The following CTNND2 variants were observed in gnomAD, a reference collection of about 807,000 sequenced individuals.
CTNND2 encodes catenin delta 2.
Under a neutral mutation model 144.4 loss-of-function variants are expected in CTNND2, and 22 were observed. That is an observed-to-expected ratio of 0.15 (90% CI 0.11 to 0.22). The LOEUF is 0.22. CTNND2 is among the 10% of genes least tolerant of loss of function. The pLI, the probability that CTNND2 is intolerant of heterozygous loss-of-function variation, is 1.00. For missense variants in CTNND2, 1,353 were observed against 1,618.8 expected (o/e 0.84, Z 2.82); for synonymous variants, 751 against 695.6 (o/e 1.08, Z -1.25).
intron 1 of CTNND2, among the ~76,000 whole-genome samples, chr5:11,812,461 C>T (rs1792388502): frequency 6.6e-6 from 1 of 152,150 alleles, no homozygotes. Flanking sequence ...TCCCCAGTAA[C>T]AGACACTGTG....
At chr5:11,348,601 G>C (rs1047729691) in intron 8 of CTNND2, among the ~76,000 whole-genome samples, 1 of 151,984 alleles carries the variant, frequency 6.6e-6, no homozygotes. Context: ...TGCTATTAAT[G>C]TATTCAATAC....
At position 11,058,019 on chromosome 5, in the gene CTNND2, A is replaced by G. The variant is rs577704157; in HGVS notation, c.2788+24677T>C. 2.6e-5 allele frequency among the ~76,000 whole-genome samples: 4 copies of G among 152,334 alleles called. No individual in the cohort carries two copies. In the South Asian group the frequency reaches 8.3e-4, roughly 32 times the overall value. ...AATTTCTAAGCAGCAAAGCATTCAA[A>G]AGGTGACTTGGGTACTGTTAAAAGC... On this transcript the variant is annotated intron_variant, in intron 16 of 21. Transcript: ENST00000304623.
chr5:11,009,597 C>T (rs1478809470), intron 18 of CTNND2, among the ~76,000 whole-genome samples: 3 of 152,212 alleles, frequency 2.0e-5, no homozygotes, highest in African/African-American at 7.2e-5. Flanking sequence ...AGTTTACTAG[C>T]TCCTGATCTG....
intron 10 of CTNND2, among the ~76,000 whole-genome samples, chr5:11,226,265 C>T (rs929372154): frequency 3.3e-5 from 5 of 152,152 alleles, no homozygotes; most frequent in African/African-American, 7.2e-5. Context: ...AGCTCTGCTC[C>T]GAGGCTACTT....
chr5:11,566,963 T>C (rs1220274397), intron 2 of CTNND2, among the ~76,000 whole-genome samples: 2 of 152,204 alleles, frequency 1.3e-5, no homozygotes, highest in Non-Finnish European at 1.5e-5. Context: ...GTTGTTATTA[T>C]GGTGCAGTTC....
At chr5:11,181,374 G>C (rs1241936779) in intron 11 of CTNND2, among the ~76,000 whole-genome samples, 1 of 152,130 alleles carries the variant, frequency 6.6e-6, no homozygotes, top group African/African-American at 2.4e-5. Flanking sequence ...TCTCCTGGGG[G>C]CTCAGGGTAG....
chr5:11,665,848 C>A (rs2126584113), intron 2 of CTNND2, among the ~76,000 whole-genome samples: 1 of 152,210 alleles, frequency 6.6e-6, no homozygotes, highest in South Asian at 2.1e-4. Context: ...CAAGGGTTAT[C>A]CTCCTGTTTC....
At chr5:11,443,251 T>TGG (rs1764460878) in intron 3 of CTNND2, among the ~76,000 whole-genome samples, 1 of 103,686 alleles carries the variant, frequency 9.6e-6, no homozygotes, top group African/African-American at 5.2e-5. Context: ...TGTGTGTGTG[T>TGG]GCTGTGTGTG....
At chr5:11,734,430 A>G (rs1163339954) in intron 1 of CTNND2, among the ~76,000 whole-genome samples, 5 of 152,192 alleles carry the variant, frequency 3.3e-5, no homozygotes, top group African/African-American at 9.6e-5. Context: ...ATGACAGTGA[A>G]TAAGTCTCAA....
chr5:11,652,594 T>G (rs1782700467), intron 2 of CTNND2, among the ~76,000 whole-genome samples: 1 of 152,236 alleles, frequency 6.6e-6, no homozygotes. Context: ...TTTTCCTTTT[T>G]AAATTTTATT....
chr5:11,353,207 C>A (rs1453743119), intron 8 of CTNND2, among the ~76,000 whole-genome samples: 2 of 151,998 alleles, frequency 1.3e-5, no homozygotes, highest in East Asian at 3.9e-4. Flanking sequence ...TCATTTAATG[C>A]TCACAACAGC....
At chr5:11,323,150 T>A (rs1393260096) in intron 9 of CTNND2, among the ~76,000 whole-genome samples, 1 of 149,536 alleles carries the variant, frequency 6.7e-6, no homozygotes, top group African/African-American at 2.4e-5. Flanking sequence ...GTGATTCTCC[T>A]ATCTCAGCTT....
intron 1 of CTNND2, among the ~76,000 whole-genome samples, chr5:11,749,940 G>C (rs1211723121): frequency 6.6e-6 from 1 of 151,818 alleles, no homozygotes; most frequent in African/African-American, 2.4e-5. Flanking sequence ...TAATTATATA[G>C]CTATGATTAG....
intron 9 of CTNND2, among the ~76,000 whole-genome samples, chr5:11,258,205 A>T (rs1744476465): frequency 6.6e-6 from 1 of 152,272 alleles, no homozygotes; most frequent in African/African-American, 2.4e-5. Flanking sequence ...CAGGGAACCA[A>T]CATATGCTGC....
intron 16 of CTNND2, among the ~76,000 whole-genome samples, chr5:11,069,380 A>C (rs1203328605): frequency 2.6e-5 from 4 of 152,178 alleles, no homozygotes; most frequent in Non-Finnish European, 4.4e-5. Context: ...AATATGGGTT[A>C]GGAGTAGATA....
At chr5:11,691,051 A>T (rs1174564858) in intron 2 of CTNND2, among the ~76,000 whole-genome samples, 1 of 152,098 alleles carries the variant, frequency 6.6e-6, no homozygotes, top group Non-Finnish European at 1.5e-5. Flanking sequence ...GATAAGAACA[A>T]AAAAATGTGA....
At chr5:11,332,351 T>C (rs996304) in intron 9 of CTNND2, among the ~76,000 whole-genome samples, 9,655 of 151,602 alleles carry the variant, frequency 0.064, 472 homozygotes, top group African/African-American at 0.14. Flanking sequence ...AGGATCAGGA[T>C]CCATGAGGCC....
At chr5:11,807,066 C>T (rs1174635772) in intron 1 of CTNND2, among the ~76,000 whole-genome samples, 1 of 152,060 alleles carries the variant, frequency 6.6e-6, no homozygotes, top group Non-Finnish European at 1.5e-5. Context: ...GAGATCAATG[C>T]TTATATCACC....
At chr5:11,577,421 G>C (rs1267310339) in intron 2 of CTNND2, among the ~76,000 whole-genome samples, 1 of 152,192 alleles carries the variant, frequency 6.6e-6, no homozygotes, top group Non-Finnish European at 1.5e-5. Flanking sequence ...AGATGCAAAT[G>C]AATTTCAAAG....
Sources: allele counts gnomAD v4.1 joint callset (sites outside exome capture counted in the v4.1 genomes callset), GRCh38; gene constraint gnomAD v4.1.1; transcripts MANE v1.5; gene names NCBI Gene and HGNC (gene_info 2026-07-23, HGNC 2026-07-21).